VWCE: variants seen among roughly 807,000 people sequenced by gnomAD.
VWCE encodes von Willebrand factor C and EGF domain-containing protein.
A neutral mutation model predicts 102.9 loss-of-function variants in VWCE; 68 were observed. That is an observed-to-expected ratio of 0.66 (90% CI 0.54 to 0.81). The LOEUF (loss-of-function observed/expected upper bound fraction) is 0.81, where lower values mean the gene tolerates loss of function less well. Ranked by LOEUF, VWCE falls within the 30% of genes least tolerant of loss-of-function variation. The pLI is 0.00. For missense variants in VWCE, 1,137 were observed against 1,263.6 expected, an observed-to-expected ratio of 0.90 and a Z score of 1.52; for synonymous variants, 497 against 515.4, an observed-to-expected ratio of 0.96 and a Z score of 0.48.
chr11:61,263,089 T>C (rs1854404872), intron 19 of VWCE, among the ~76,000 whole-genome samples: 1 of 152,164 alleles, frequency 6.6e-6, no homozygotes, highest in Admixed American at 6.5e-5. Flanking sequence ...GGTGGATCAC[T>C]TGAGGTCAGA....
chr11:61,264,303 G>A (rs1293157416), intron 19 of VWCE, among the ~76,000 whole-genome samples, 184 bp downstream of exon 19: 1 of 151,748 alleles, frequency 6.6e-6, no homozygotes, highest in Non-Finnish European at 1.5e-5. Context: ...ATGGTGTGTG[G>A]CATCATGAGC....
rs112338382 is a variant in VWCE at position 61,294,947 on chromosome 11, C to G, written c.91G>C (p.Gly31Arg). The G allele has an allele frequency of 1.4e-6, 2 of 1,451,078 alleles. No individual in the cohort carries two copies. The highest frequency in any genetic ancestry group is 1.8e-6 in the Non-Finnish European group (2 of 1,101,360). 89.9% of individuals were successfully genotyped at this position (1,451,078 alleles called of 1,614,324 possible). A position where few individuals can be genotyped will look rare whatever the true frequency, so the allele number is the denominator to read the frequency against. Residue 31 changes from glycine to arginine, a missense_variant, in exon 1 of 20, where the codon GGG becomes CGG. Physicochemically the swap from Gly to Arg is moderately radical, Grantham distance 125. Coordinates refer to ENST00000335613, the MANE Select transcript of VWCE (RefSeq NM_152718.2). This position sits in a 1 kb window ranked among gnomAD's most constrained non-coding sequence, Gnocchi z 6.3. Reference protein sequence around the residue: ...ARGYTGRKPPGHFAAERRRLG... With the variant: ...ARGYTGRKPPRHFAAERRRLG... ...GCTTACCTCTCGGCCGCGAAGTGCC[C>G]GGGCGGCTTCCTCCCGGTGTAGCCT...
chr11:61,278,526 G>A (rs142773878), intron 9 of VWCE, 50 bp from the exon 10 acceptor site: 1 of 1,553,782 alleles, frequency 6.4e-7, no homozygotes. Context: ...TCAAAGAAGA[G>A]GAAACTTGAG....
At chr11:61,260,366 T>C (rs60818979) in intron 19 of VWCE, among the ~76,000 whole-genome samples, 10,730 of 152,188 alleles carry the variant, frequency 0.071, 1,108 homozygotes, top group African/African-American at 0.23. Context: ...CTCAACCTCC[T>C]GGGCTCAAGC....
At position 61,280,710 on chromosome 11, in the gene VWCE, T is replaced by C; in HGVS notation, c.1238A>G (p.Lys413Arg). 2.5e-6 allele frequency: 4 copies of C among 1,613,936 alleles called. No homozygotes were observed. The highest frequency in any genetic ancestry group is 3.4e-6 in the Non-Finnish European group (4 of 1,179,990). ...GCSQCWCEDGKVTCEKVRCEA... is the reference protein window; with the variant it reads ...GCSQCWCEDGRVTCEKVRCEA... ...ACACCTCACCTTTTCACAGGTCACCTTCCCGTCCTAGAAGCACAAGCAGGA... is the reference window on the plus strand; with the variant it reads ...ACACCTCACCTTTTCACAGGTCACCCTCCCGTCCTAGAAGCACAAGCAGGA... Residue 413 changes from lysine to arginine, a missense_variant, in exon 9 of 20, where the codon AAG (lysine) becomes AGG (arginine). This residue lies in a region of VWCE where 575 missense variants were observed against 625.9 expected (regional missense o/e 0.92). Coordinates refer to ENST00000335613, the MANE Select transcript of VWCE (RefSeq NM_152718.2).
intron 12 of VWCE, chr11:61,273,662 G>A (rs900621112): frequency 2.9e-5 from 7 of 241,654 alleles, no homozygotes; most frequent in Non-Finnish European, 4.8e-5. Flanking sequence ...TGCAGCTGGT[G>A]GAGCCCTTCA....
In VWCE at chr11:61,258,816, C is replaced by T. The variant is rs763443542; in HGVS notation, c.2727G>A (p.Ser909=). The change falls in exon 20 of 20, where the codon TCG becomes TCA. Residue 909 remains serine, a synonymous_variant. Coordinates refer to ENST00000335613, the MANE Select transcript of VWCE (RefSeq NM_152718.2). ...GCCCGAGGAGGGTGATGGGGGTCTT[C>T]GAGGGGCTGGGGTCCATCATGGAAA... ...SALSMMDPSP[S]KTPITLLGPR... 16 of 1,503,196 alleles carry T rather than the reference C, an allele frequency of 1.1e-5. No individual in the cohort carries two copies. The Admixed American group carries it at 2.1e-4, about 20-fold the overall frequency. The allele number at this position is 1,503,196 out of a possible 1,614,324, so 93.1% of individuals were successfully genotyped here.
rs375231801 is a variant in VWCE, at chr11:61,264,441, T to C, written c.2230+46A>G. On this transcript the variant is annotated intron_variant, in intron 19 of 19. Coordinates refer to ENST00000335613, the MANE Select transcript of VWCE (RefSeq NM_152718.2). The stretch of plus-strand genomic sequence containing the variant: ...TATGTACCGGGGAAGAAAAGTAAAA[T>C]GGAAGAAGATGGCGGAGAAACTCCA... 7.6e-5 allele frequency: 119 copies of C among 1,568,890 alleles called. No individual in the cohort carries two copies. The African/African-American group carries it at 1.5e-3, about 20-fold the overall frequency.
chr11:61,292,575 T>A (rs1395675613), intron 1 of VWCE, among the ~76,000 whole-genome samples: 1 of 152,072 alleles, frequency 6.6e-6, no homozygotes, highest in Non-Finnish European at 1.5e-5. Flanking sequence ...GGGTCATGAA[T>A]GAGCTGCCCA....
chr11:61,260,937 G>T (rs1219925382), intron 19 of VWCE, among the ~76,000 whole-genome samples: 1 of 152,090 alleles, frequency 6.6e-6, no homozygotes, highest in African/African-American at 2.4e-5. Context: ...AAAAGAAAAA[G>T]TATCGGCCCA....
At chr11:61,283,486 A>C (rs1214411950) in intron 5 of VWCE, among the ~76,000 whole-genome samples, 1 of 152,202 alleles carries the variant, frequency 6.6e-6, no homozygotes, top group Non-Finnish European at 1.5e-5. Context: ...ATCTCAGCTC[A>C]CTGCGGTCTC....
intron 3 of VWCE, among the ~76,000 whole-genome samples, 158 bp from the exon 4 acceptor site, chr11:61,291,085 G>A (rs930618978): frequency 4.6e-5 from 7 of 152,278 alleles, no homozygotes; most frequent in Middle Eastern, 3.4e-3. Flanking sequence ...GTGTGACCCC[G>A]GGCAAGACAA....
intron 3 of VWCE, 128 bp downstream of exon 3, chr11:61,291,136 C>T (rs1322946467): frequency 8.1e-7 from 1 of 1,238,258 alleles, no homozygotes; most frequent in Non-Finnish European, 1.1e-6. Context: ...AAAATGGGCA[C>T]AAAATGTCTA....
At chr11:61,273,049 C>G in intron 13 of VWCE, 150 bp downstream of exon 13, 1 of 734,190 alleles carries the variant, frequency 1.4e-6, no homozygotes, top group Non-Finnish European at 2.2e-6. Context: ...ACACACTACA[C>G]AAAAACTCAC....
At chr11:61,274,732 C>G in intron 11 of VWCE, 148 bp from the exon 12 acceptor site, 1 of 589,262 alleles carries the variant, frequency 1.7e-6, no homozygotes, top group Non-Finnish European at 2.9e-6. Flanking sequence ...ACCCAAAGCA[C>G]TTCTCCCCCT....
chr11:61,279,297 C>G (rs1855039639), intron 9 of VWCE, among the ~76,000 whole-genome samples: 1 of 152,130 alleles, frequency 6.6e-6, no homozygotes, highest in Non-Finnish European at 1.5e-5. Flanking sequence ...AAGCCAGGCC[C>G]AGCGGCTCAT....
chr11:61,287,242 C>G (rs1032628490), intron 4 of VWCE, among the ~76,000 whole-genome samples: 1 of 152,144 alleles, frequency 6.6e-6, no homozygotes, highest in Non-Finnish European at 1.5e-5. Context: ...CACCTGCACC[C>G]CAGGAAAAAA....
intron 11 of VWCE, 42 bp downstream of exon 11, chr11:61,276,549 TAA>T (rs71471819): frequency 0.016 from 17,388 of 1,098,820 alleles, no homozygotes; most frequent in South Asian, 0.027. Flanking sequence ...ACAAAAAATC[TAA>T]AAAAAAAAAA....
intron 12 of VWCE, among the ~76,000 whole-genome samples, 162 bp downstream of exon 12, chr11:61,274,337 G>A (rs1226023740): frequency 1.3e-5 from 2 of 152,176 alleles, no homozygotes; most frequent in African/African-American, 2.4e-5. Context: ...CAAAGAGACT[G>A]TGGGAAGACC....
Sources: gnomAD v4.1 joint callset for allele counts (sites outside exome capture counted in the v4.1 genomes callset) on GRCh38, gnomAD v4.1.1 for gene constraint, gnomAD v4.1.1 regional missense constraint, Gnocchi (gnomAD v3.1) non-coding constraint, MANE v1.5 for transcripts, NCBI Gene and HGNC (gene_info 2026-07-23, HGNC 2026-07-21) for gene names.